AIFM1: variants seen among roughly 807,000 people sequenced by gnomAD.
AIFM1 encodes the protein apoptosis inducing factor mitochondria associated 1.
Under a neutral mutation model 51.7 loss-of-function variants are expected in AIFM1, and 3 were observed. The observed-to-expected ratio is 0.06, with a 90% CI of 0.03 to 0.15. The LOEUF is 0.15. Ranked by LOEUF, AIFM1 falls within the 10% of genes least tolerant of loss-of-function variation. AIFM1 has a pLI of 1.00. For missense variants in AIFM1, 330 were observed against 476.8 expected, an observed-to-expected ratio of 0.69 and a Z score of 2.87; for synonymous variants, 178 against 179.4, an observed-to-expected ratio of 0.99 and a Z score of 0.06.
At chrX:130,154,205 T>C (rs2031090897) in intron 2 of AIFM1, among the ~76,000 whole-genome samples, 1 of 112,023 alleles carries the variant, frequency 8.9e-6, no homozygotes, top group South Asian at 3.7e-4. Flanking sequence ...AATGAATGAC[T>C]TGAGAGGAAC....
At chrX:130,132,212 G>A (rs2030117782) in intron 13 of AIFM1, among the ~76,000 whole-genome samples, 1 of 112,177 alleles carries the variant, frequency 8.9e-6, no homozygotes, top group Non-Finnish European at 1.9e-5. Flanking sequence ...TTAGTATGCA[G>A]ATCACGAGAG....
intron 5 of AIFM1, among the ~76,000 whole-genome samples, chrX:130,146,742 C>A (rs1275622842): frequency 9.0e-6 from 1 of 111,176 alleles, no homozygotes; most frequent in African/African-American, 3.3e-5. Flanking sequence ...AAAATTCTAA[C>A]ACAGGCTCTT....
In AIFM1 at chrX:130,129,455, C is replaced by T. The variant is rs771133225; in HGVS notation, c.*102G>A. ...TATTCACAAAGGACTTGATCATTCA[C>T]ACTCATACACAGAGAAAGTCTGCTG... On this transcript the variant is annotated 3_prime_UTR_variant, in exon 16 of 16. Coordinates refer to ENST00000287295, the MANE Select transcript of AIFM1 (RefSeq NM_004208.4). 372 of 646,211 alleles carry T rather than the reference C, an allele frequency of 5.8e-4. No individual in the cohort carries two copies. Among genetic ancestry groups the T allele is most frequent in the Non-Finnish European group, 8.6e-4 (330 of 382,340 alleles). 53.3% of individuals were successfully genotyped at this position (646,211 alleles called of 1,213,427 possible). A position where few individuals can be genotyped will look rare whatever the true frequency, so the allele number is the denominator to read the frequency against.
At chrX:130,137,810 C>A in intron 9 of AIFM1, 2 of 897,419 alleles carry the variant, frequency 2.2e-6, no homozygotes, top group South Asian at 4.6e-5. Context: ...CACCTATAAT[C>A]CCAGCACTTT....
At chrX:130,140,456 C>T in intron 7 of AIFM1, 77 bp downstream of exon 7, 1 of 849,541 alleles carries the variant, frequency 1.2e-6, no homozygotes, top group South Asian at 2.0e-5. Flanking sequence ...AGTAGTAATG[C>T]CTTCCATAGA....
intron 1 of AIFM1, among the ~76,000 whole-genome samples, chrX:130,160,523 T>C (rs1481188003): frequency 2.7e-5 from 3 of 112,279 alleles, no homozygotes; most frequent in Non-Finnish European, 5.6e-5. Flanking sequence ...GTTGAATTAA[T>C]GAAGGAAGGA....
intron 10 of AIFM1, 101 bp from the exon 11 acceptor site, chrX:130,136,832 A>G: frequency 2.0e-6 from 2 of 1,021,574 alleles, no homozygotes; most frequent in East Asian, 3.1e-5. Flanking sequence ...AAAACCAATT[A>G]TCAGTACACA....
At position 130,133,996 on chromosome X, in the gene AIFM1, A is replaced by T. The variant is rs1455995383; in HGVS notation, c.1306-541T>A. ...AGTGGCAAATGCCCGTAATCCCAGC[A>T]CTTTGGGAGACCAAGGTGGGTGGAT... On this transcript the variant is annotated intron_variant, in intron 12 of 15. Coordinates refer to ENST00000287295, the MANE Select transcript of AIFM1 (RefSeq NM_004208.4). Among the ~76,000 whole-genome samples the T allele has an allele frequency of 7.2e-5, 8 of 110,869 alleles. No individual in the cohort carries two copies. In the Admixed American group the frequency reaches 7.7e-4, roughly 11 times the overall value.
At chrX:130,147,995 T>A in intron 3 of AIFM1, 119 bp from the exon 4 acceptor site, 1 of 917,328 alleles carries the variant, frequency 1.1e-6, no homozygotes. Flanking sequence ...TAGCAAAACA[T>A]ATGACCTACG....
In AIFM1 at chrX:130,150,977, C is replaced by CAA. The variant is rs759870161; in HGVS notation, c.250-1411_250-1410dup. ...TGGGCGATAGAGTGAGACTCTGTCT[C>CAA]AAAAAAAAAAAAAAAAAAGAAAAGA... On this transcript the variant is annotated intron_variant, in intron 2 of 15. Coordinates refer to ENST00000287295, the MANE Select transcript of AIFM1 (RefSeq NM_004208.4). Among the ~76,000 whole-genome samples the CAA allele has an allele frequency of 1.9e-3, 53 of 27,789 alleles. No individual in the cohort carries two copies. The East Asian group carries it at 0.036, about 19-fold the overall frequency. 24.1% of individuals were successfully genotyped at this position (27,789 alleles called of 115,157 possible).
intron 1 of AIFM1, among the ~76,000 whole-genome samples, chrX:130,161,039 C>T (rs2031330721): frequency 9.0e-6 from 1 of 111,474 alleles, no homozygotes; most frequent in South Asian, 3.7e-4. Context: ...AGAATAGTAG[C>T]TAAACTAGCA....
chrX:130,158,447 CA>C (rs1235711955), intron 1 of AIFM1, among the ~76,000 whole-genome samples: 1 of 110,255 alleles, frequency 9.1e-6, no homozygotes, highest in East Asian at 2.8e-4. Flanking sequence ...TTTTATAAAA[CA>C]AAGCTGGCCA....
chrX:130,157,455 A>C (rs890152132), intron 1 of AIFM1, among the ~76,000 whole-genome samples: 3 of 111,178 alleles, frequency 2.7e-5, no homozygotes, highest in African/African-American at 9.8e-5. Context: ...AGAGCAGCAA[A>C]TTTTTTCTGC....
intron 9 of AIFM1, chrX:130,137,770 G>A: frequency 1.0e-6 from 1 of 1,001,491 alleles, no homozygotes; most frequent in South Asian, 3.4e-5. Flanking sequence ...AGGAAAGAAA[G>A]TATTGCTGTT....
At chrX:130,139,542 T>C (rs1485864502) in intron 8 of AIFM1, among the ~76,000 whole-genome samples, 2 of 111,190 alleles carry the variant, frequency 1.8e-5, no homozygotes, top group Non-Finnish European at 3.8e-5. Context: ...AAAACAACTA[T>C]GGAAGAGCAA....
intron 2 of AIFM1, among the ~76,000 whole-genome samples, chrX:130,150,791 A>G (rs185246958): frequency 1.9e-5 from 2 of 104,165 alleles, no homozygotes; most frequent in Admixed American, 2.0e-4. Context: ...CCTGGCCAAC[A>G]TGGTGAAACC....
At chrX:130,153,706 T>C (rs2031075117) in intron 2 of AIFM1, among the ~76,000 whole-genome samples, 1 of 110,456 alleles carries the variant, frequency 9.1e-6, no homozygotes, top group Non-Finnish European at 1.9e-5. Flanking sequence ...GCTCACTCTT[T>C]CTCCCTCTCC....
intron 2 of AIFM1, among the ~76,000 whole-genome samples, chrX:130,150,523 G>T (rs1378971944): frequency 4.9e-5 from 5 of 102,565 alleles, no homozygotes; most frequent in African/African-American, 1.8e-4. Context: ...TTTTAGTAGA[G>T]ACGGGGTTTC....
At chrX:130,162,567 A>G (rs912434067) in intron 1 of AIFM1, among the ~76,000 whole-genome samples, 1 of 112,227 alleles carries the variant, frequency 8.9e-6, no homozygotes, top group Non-Finnish European at 1.9e-5. Flanking sequence ...CTGCCAAAGA[A>G]TTTCTTCTGC....
Sources: gnomAD v4.1 joint callset for allele counts (sites outside exome capture counted in the v4.1 genomes callset) on GRCh38, gnomAD v4.1.1 for gene constraint, MANE v1.5 for transcripts, NCBI Gene and HGNC (gene_info 2026-07-23, HGNC 2026-07-21) for gene names.